The following TXNRD2 variants were observed in gnomAD, a reference collection of about 807,000 sequenced individuals.
TXNRD2 encodes thioredoxin reductase 2, also known as thioredoxin reductase 2, mitochondrial.
A neutral mutation model predicts 70.8 loss-of-function variants in TXNRD2; 67 were observed. The observed-to-expected ratio is 0.95, with a 90% CI of 0.78 to 1.16. The LOEUF is 1.16. Ranked by LOEUF, TXNRD2 falls within the 50% of genes most tolerant of loss-of-function variation. TXNRD2 has a pLI of 0.00. For missense variants in TXNRD2, 644 were observed against 719.9 expected, an observed-to-expected ratio of 0.89 and a Z score of 1.21; for synonymous variants, 301 against 295.8, an observed-to-expected ratio of 1.02 and a Z score of -0.18.
intron 14 of TXNRD2, 148 bp downstream of exon 14, chr22:19,880,031 A>C: frequency 1.2e-6 from 1 of 835,122 alleles, no homozygotes; most frequent in Non-Finnish European, 1.9e-6. Context: ...GCTGCCCCCA[A>C]CGTGTCCCTT....
chr22:19,886,954 G>A (rs192323811), intron 11 of TXNRD2, among the ~76,000 whole-genome samples: 1 of 152,216 alleles, frequency 6.6e-6, no homozygotes, highest in Non-Finnish European at 1.5e-5. Context: ...GCGGCCAGCT[G>A]AGTGGGGGCT....
intron 1 of TXNRD2, among the ~76,000 whole-genome samples, chr22:19,940,341 T>G (rs1941667696): frequency 6.6e-6 from 1 of 151,956 alleles, no homozygotes; most frequent in South Asian, 2.1e-4. Flanking sequence ...GTTGCTCCTC[T>G]GGCGGAAAGG....
chr22:19,923,904 G>A (rs1418340085), intron 2 of TXNRD2, among the ~76,000 whole-genome samples: 1 of 132,842 alleles, frequency 7.5e-6, no homozygotes. Flanking sequence ...AACTGCAGCT[G>A]CCTTGCCTGG....
At chr22:19,879,959 C>T (rs1463782395) in intron 14 of TXNRD2, among the ~76,000 whole-genome samples, 1 of 152,194 alleles carries the variant, frequency 6.6e-6, no homozygotes, top group Non-Finnish European at 1.5e-5. Context: ...GTGGCAGAGA[C>T]CAGAGGCACC....
rs1429174414 is a variant in TXNRD2, at chr22:19,941,793, A to T, written c.11T>A (p.Met4Lys). ...TCCTAATCCCCGCAGCGCCACCGCC[A>T]TTGCCGCCATCGTCGTGGGGCTTCT... MAA[M>K]AVALRGLGGR... The change falls in exon 1 of 18, where the codon ATG becomes AAG. Residue 4 changes from methionine to lysine, a missense_variant. Physicochemically the swap from Met to Lys is moderately conservative, Grantham distance 95 (BLOSUM62 -1). Coordinates refer to ENST00000400521, the MANE Select transcript of TXNRD2 (RefSeq NM_006440.5). 6.5e-7 allele frequency: 1 copy of T among 1,528,658 alleles called. No homozygotes were observed. The highest frequency in any genetic ancestry group is 1.9e-5 in the Admixed American group (1 of 53,106). The allele number at this position is 1,528,658 out of a possible 1,614,324, so 94.7% of individuals were successfully genotyped here. A position where few individuals can be genotyped will look rare whatever the true frequency, so the allele number is the denominator to read the frequency against.
intron 2 of TXNRD2, among the ~76,000 whole-genome samples, chr22:19,922,668 C>T (rs1940960614): frequency 6.6e-6 from 1 of 152,034 alleles, no homozygotes; most frequent in Non-Finnish European, 1.5e-5. Context: ...CAGCTACAGA[C>T]TTTTGGTGTG....
chr22:19,915,711 C>T, intron 6 of TXNRD2, 54 bp downstream of exon 6: 4 of 1,533,070 alleles, frequency 2.6e-6, no homozygotes, highest in Non-Finnish European at 3.6e-6. Flanking sequence ...CAGTTGGTGC[C>T]CAAGGTCTGC....
rs900617489 is a variant in TXNRD2 at position 19,941,677 on chromosome 22, G to A, written c.103+24C>T. The A allele has an allele frequency of 4.3e-5, 63 of 1,458,198 alleles. 1 individual carries two copies. The African/African-American group carries it at 9.0e-4, about 21-fold the overall frequency. 90.3% of individuals were successfully genotyped at this position (1,458,198 alleles called of 1,614,324 possible). A position where few individuals can be genotyped will look rare whatever the true frequency, so the allele number is the denominator to read the frequency against. On this transcript the variant is annotated intron_variant, in intron 1 of 17. Coordinates refer to ENST00000400521, the MANE Select transcript of TXNRD2 (RefSeq NM_006440.5). ...CCCCGGCCGCGCGGACACCTACCGC[G>A]GGGACGCCCCGACCCCATCCTACCT...
At chr22:19,935,810 G>A (rs1396535075) in intron 1 of TXNRD2, among the ~76,000 whole-genome samples, 2 of 152,164 alleles carry the variant, frequency 1.3e-5, no homozygotes, top group South Asian at 2.1e-4. Flanking sequence ...TTTCCTAAGT[G>A]CATGTGGGAA....
intron 8 of TXNRD2, among the ~76,000 whole-genome samples, chr22:19,900,184 AAGGTGGTTACATGCCTCACTC>A (rs1939707433): frequency 6.6e-6 from 1 of 152,216 alleles, no homozygotes; most frequent in Admixed American, 6.5e-5. Context: ...GGCTGAGCAC[AAGGTGGTTACATGCCTCACTC>A]AGCATGTGAG....
chr22:19,876,683 G>A (rs148315618), intron 17 of TXNRD2: 123 of 157,220 alleles, frequency 7.8e-4, no homozygotes, highest in Non-Finnish European at 1.6e-3. Context: ...CTTCCCGACT[G>A]CAGCCCCCTG....
At chr22:19,909,205 CAAA>C (rs199938429) in intron 8 of TXNRD2, among the ~76,000 whole-genome samples, 16 of 73,748 alleles carry the variant, frequency 2.2e-4, no homozygotes, top group Non-Finnish European at 3.1e-4. Flanking sequence ...GACTCTGTTT[CAAA>C]AAAAAAAAAA....
chr22:19,899,691 ATG>A (rs1479891483), intron 8 of TXNRD2, among the ~76,000 whole-genome samples: 2 of 152,194 alleles, frequency 1.3e-5, no homozygotes, highest in Non-Finnish European at 2.9e-5. Context: ...CACACTCCAC[ATG>A]TGTTTTGCAT....
chr22:19,935,932 T>C (rs1415323119), intron 1 of TXNRD2, among the ~76,000 whole-genome samples: 2 of 152,210 alleles, frequency 1.3e-5, no homozygotes, highest in Admixed American at 6.5e-5. Context: ...GGGGTAACTA[T>C]GGGTCACGCA....
intron 11 of TXNRD2, chr22:19,887,764 G>A (rs994793810): frequency 6.6e-6 from 1 of 152,274 alleles, no homozygotes; most frequent in South Asian, 2.1e-4. Flanking sequence ...GGAGCCAGAG[G>A]TGGCCGAACT....
intron 1 of TXNRD2, chr22:19,932,606 A>C: frequency 1.4e-6 from 2 of 1,421,468 alleles, no homozygotes; most frequent in East Asian, 2.7e-5. Context: ...GGAAGAAATA[A>C]TAGCAAGTCA....
intron 11 of TXNRD2, among the ~76,000 whole-genome samples, chr22:19,885,783 C>T (rs1207121644): frequency 6.6e-6 from 1 of 152,240 alleles, no homozygotes; most frequent in Non-Finnish European, 1.5e-5. Context: ...TCCTGGGAAG[C>T]CAAGAGCACT....
chr22:19,891,346 A>G (rs1033266013), intron 11 of TXNRD2: 1 of 152,218 alleles, frequency 6.6e-6, no homozygotes, highest in African/African-American at 2.4e-5. Flanking sequence ...TCTTCTGGCC[A>G]TGGGCAGGAC....
Position 19,895,523 on chromosome 22 carries a change from C to T in TXNRD2, c.833G>A (p.Gly278Asp). ...CCTCCTGACCCGCGAGGGGGCACAG[C>T]CCCTCAGGAACCGGGTGCCATGAGA... ...MASHGTRFLRGCAPSRVRRLP... is the reference protein window; with the variant it reads ...MASHGTRFLRDCAPSRVRRLP... Residue 278 changes from glycine (G) to aspartate (D), a missense_variant, in exon 11 of 18, where the codon GGC becomes GAC. Transcript: ENST00000400521. The T allele has an allele frequency of 6.2e-7, 1 of 1,613,780 alleles. No individual in the cohort carries two copies. Among genetic ancestry groups the T allele is most frequent in the Non-Finnish European group, 8.5e-7 (1 of 1,180,046 alleles).
Sources: allele counts gnomAD v4.1 joint callset (sites outside exome capture counted in the v4.1 genomes callset), GRCh38; gene constraint gnomAD v4.1.1; transcripts MANE v1.5; gene names NCBI Gene and HGNC (gene_info 2026-07-23, HGNC 2026-07-21).